The following CARF variants were observed in gnomAD, a reference collection of about 807,000 sequenced individuals.
CARF encodes the protein calcium responsive transcription factor.
In CARF, 57 loss-of-function variants were observed where a neutral mutation model predicts 82.0. The ratio of observed to expected loss-of-function variants is 0.70; its 90% CI spans 0.56 to 0.87. The LOEUF is 0.87. Ranked by LOEUF, CARF falls within the 40% of genes least tolerant of loss-of-function variation. The pLI is 0.00. For synonymous variants in CARF, 268 were observed against 290.1 expected, an observed-to-expected ratio of 0.92 and a Z score of 0.77; for missense variants, 771 against 855.8, an observed-to-expected ratio of 0.90 and a Z score of 1.24.
At chr2:202,927,667 A>G (rs576731885) in intron 3 of CARF, among the ~76,000 whole-genome samples, 1 of 151,890 alleles carries the variant, frequency 6.6e-6, no homozygotes, top group Non-Finnish European at 1.5e-5. Flanking sequence ...CATCTCAAAC[A>G]TTTTTCATTT....
At chr2:202,917,081 GGCGC>G (rs1689826829) in intron 1 of CARF, among the ~76,000 whole-genome samples, 1 of 150,856 alleles carries the variant, frequency 6.6e-6, no homozygotes, top group Non-Finnish European at 1.5e-5. Flanking sequence ...CGTAGTGGCG[GGCGC>G]CTGTAGTCCC....
chr2:202,929,108 G>A (rs1453945703), intron 3 of CARF, among the ~76,000 whole-genome samples: 3 of 152,044 alleles, frequency 2.0e-5, no homozygotes, highest in African/African-American at 2.4e-5. Flanking sequence ...TTAATCCCTC[G>A]TGGAATAGTT....
rs2060358643 is a variant in CARF, at chr2:202,983,836, G to A, written c.*212G>A. The A allele has an allele frequency of 2.1e-6, 1 of 465,714 alleles. No homozygotes were observed. Among genetic ancestry groups the A allele is most frequent in the African/African-American group, 2.1e-5 (1 of 48,652 alleles). The allele number at this position is 465,714 out of a possible 1,614,324, so 28.8% of individuals were successfully genotyped here. A position where few individuals can be genotyped will look rare whatever the true frequency, so the allele number is the denominator to read the frequency against. On this transcript the variant is annotated 3_prime_UTR_variant, in exon 17 of 17. Coordinates refer to ENST00000438828, the MANE Select transcript of CARF (RefSeq NM_024744.17). ...TCTTCTTATTTTGTATAATTTTTAT[G>A]CTCTTTGATTATCTAATAAGGCCAG...
In CARF at chr2:202,941,877, A is replaced by G; in HGVS notation, c.-26A>G. The G allele has an allele frequency of 6.3e-7, 1 of 1,576,620 alleles. No homozygotes were observed. The highest frequency in any genetic ancestry group is 2.2e-5 in the East Asian group (1 of 44,496). On this transcript the variant is annotated 5_prime_UTR_variant, in exon 4 of 17. Coordinates refer to ENST00000438828, the MANE Select transcript of CARF (RefSeq NM_024744.17). Reference sequence around the variant, plus strand: ...TCTTTCAGCTATTAAATAATAGAAGAAAATGGAATTGAATATGATGTCAGC... The same window carrying G: ...TCTTTCAGCTATTAAATAATAGAAGGAAATGGAATTGAATATGATGTCAGC...
intron 9 of CARF, among the ~76,000 whole-genome samples, chr2:202,963,683 C>G (rs2059418285): frequency 6.6e-6 from 1 of 152,144 alleles, no homozygotes; most frequent in Non-Finnish European, 1.5e-5. Flanking sequence ...GCTTGTTTTC[C>G]TGCAACTAGC....
intron 5 of CARF, among the ~76,000 whole-genome samples, chr2:202,949,268 A>T (rs1259379137): frequency 6.6e-6 from 1 of 150,792 alleles, no homozygotes; most frequent in Non-Finnish European, 1.5e-5. Context: ...CAGGAGGCAG[A>T]GGTTGTGGTG....
intron 3 of CARF, among the ~76,000 whole-genome samples, chr2:202,928,101 C>T (rs1320110935): frequency 6.6e-6 from 1 of 152,160 alleles, no homozygotes; most frequent in Non-Finnish European, 1.5e-5. Flanking sequence ...ACCTTTGTAA[C>T]CATCAACCAT....
At position 202,959,861 on chromosome 2, in the gene CARF, A is replaced by G. The variant is rs2059230974; in HGVS notation, c.643-1376A>G. 5.3e-5 allele frequency among the ~76,000 whole-genome samples: 8 copies of G among 152,148 alleles called. No individual in the cohort carries two copies. In the South Asian group the frequency reaches 1.7e-3, roughly 32 times the overall value. ...AAAAAGTTTCTCCTCTAGTACGAGG[A>G]TACTCAAATGGTTGTATATAGATAA... On this transcript the variant is annotated intron_variant, in intron 8 of 16. Transcript: ENST00000438828.
intron 9 of CARF, among the ~76,000 whole-genome samples, chr2:202,964,122 A>C (rs1306464790): frequency 6.6e-6 from 1 of 152,140 alleles, no homozygotes; most frequent in Non-Finnish European, 1.5e-5. Flanking sequence ...GTGAGTCCTG[A>C]AAAAACCGTT....
intron 14 of CARF, among the ~76,000 whole-genome samples, chr2:202,978,602 T>C (rs2060126358): frequency 6.6e-6 from 1 of 152,164 alleles, no homozygotes; most frequent in Non-Finnish European, 1.5e-5. Flanking sequence ...GAGTGAAACA[T>C]TGCCAGATAC....
At chr2:202,944,626 A>G (rs769071505) in intron 5 of CARF, among the ~76,000 whole-genome samples, 3 of 152,238 alleles carry the variant, frequency 2.0e-5, no homozygotes, top group Non-Finnish European at 4.4e-5. Flanking sequence ...TTCTGGGCCT[A>G]TGCCCAGAAC....
intron 1 of CARF, among the ~76,000 whole-genome samples, chr2:202,913,602 A>G (rs1689062870): frequency 6.6e-6 from 1 of 152,174 alleles, no homozygotes; most frequent in Non-Finnish European, 1.5e-5. Context: ...TGCTAATGGA[A>G]GTGGTGATCG....
At chr2:202,951,334 A>G (rs566895656) in intron 5 of CARF, among the ~76,000 whole-genome samples, 1 of 152,276 alleles carries the variant, frequency 6.6e-6, no homozygotes, top group South Asian at 2.1e-4. Flanking sequence ...ATCTGGCCTC[A>G]AGTAACTCCC....
In CARF at chr2:202,985,265, C is replaced by G. The variant is rs1258111600; in HGVS notation, c.*1641C>G. 1 of 151,944 alleles carries G rather than the reference C, an allele frequency of 6.6e-6. No individual in the cohort carries two copies. The highest frequency in any genetic ancestry group is 1.5e-5 in the Non-Finnish European group (1 of 67,986). The allele number at this position is 151,944 out of a possible 1,614,324, so 9.4% of individuals were successfully genotyped here. A position where few individuals can be genotyped will look rare whatever the true frequency, so the allele number is the denominator to read the frequency against. On this transcript the variant is annotated 3_prime_UTR_variant, in exon 17 of 17. Transcript: ENST00000438828. ...TAATACTTTACATGAATATGAGTCA[C>G]TTTTGGCTTTTCTAAGTCCAGCCTC...
At chr2:202,959,809 CA>C (rs2059224856) in intron 8 of CARF, among the ~76,000 whole-genome samples, 1 of 29,540 alleles carries the variant, frequency 3.4e-5, no homozygotes, top group Admixed American at 3.4e-4. Context: ...AACTCCATCT[CA>C]AAAACAAAAA....
intron 9 of CARF, among the ~76,000 whole-genome samples, chr2:202,966,689 G>A (rs1403255383): frequency 6.6e-6 from 1 of 151,524 alleles, no homozygotes; most frequent in Non-Finnish European, 1.5e-5. Context: ...CAGCCTGGGT[G>A]ACAGAGTGAG....
At chr2:202,933,417 G>A (rs6757226) in intron 3 of CARF, among the ~76,000 whole-genome samples, 1 of 152,210 alleles carries the variant, frequency 6.6e-6, no homozygotes, top group African/African-American at 2.4e-5. Flanking sequence ...TAGCACAGCA[G>A]TGTGGACTCC....
Position 202,941,956 on chromosome 2 carries a change from A to G in CARF, c.54A>G (p.Ser18=). 1 of 1,613,054 alleles carries G rather than the reference A, an allele frequency of 6.2e-7. No individual in the cohort carries two copies. The highest frequency in any genetic ancestry group is 8.5e-7 in the Non-Finnish European group (1 of 1,179,256). Residue 18 remains serine (S), a synonymous_variant, in exon 4 of 17, where the codon TCA becomes TCG. Transcript: ENST00000438828. ...TCAACCATAATGACGGTGAAGAGTC[A>G]AAAACCAGTGCTCAAGTATTTGAGG... ...LRVNHNDGEE[S]KTSAQVFEHL... is the part of the protein sequence containing the mutation.
Position 202,941,928 on chromosome 2 carries a change from G to A in CARF, c.26G>A (p.Arg9Lys). The A allele has an allele frequency of 6.2e-7, 1 of 1,613,348 alleles. No individual in the cohort carries two copies. The highest frequency in any genetic ancestry group is 8.5e-7 in the Non-Finnish European group (1 of 1,179,510). Residue 9 changes from arginine (R) to lysine (K), a missense_variant, in exon 4 of 17, where the codon AGA (arginine) becomes AAA (lysine). By Grantham distance (26) the Arg-to-Lys change is conservative. Coordinates refer to ENST00000438828, the MANE Select transcript of CARF (RefSeq NM_024744.17). Reference protein sequence around the residue: MEQSNDSLRVNHNDGEESK... With the variant: MEQSNDSLKVNHNDGEESK... ...ATGGAACAATCTAATGATTCATTAA[G>A]AGTCAACCATAATGACGGTGAAGAG...
Sources: allele counts gnomAD v4.1 joint callset (sites outside exome capture counted in the v4.1 genomes callset), GRCh38; gene constraint gnomAD v4.1.1; transcripts MANE v1.5; gene names NCBI Gene and HGNC (gene_info 2026-07-23, HGNC 2026-07-21).